The following CSMD2 variants were observed in gnomAD, a reference collection of about 807,000 sequenced individuals.
CSMD2 encodes the protein CUB and Sushi multiple domains 2, also known as CUB and sushi domain-containing protein 2.
CSMD2 carries 130 observed loss-of-function variants against 398.5 expected under a neutral mutation model. That is an observed-to-expected ratio of 0.33 (90% CI 0.28 to 0.38). The LOEUF is 0.38. Among genes scored for constraint, CSMD2 ranks in the 10% least tolerant of loss-of-function variants. The pLI is 1.00. For synonymous variants in CSMD2, 1,828 were observed against 1,908.5 expected (o/e 0.96, Z 1.10); for missense variants, 3,829 against 4,764.9 (o/e 0.80, Z 5.78).
intron 5 of CSMD2, among the ~76,000 whole-genome samples, chr1:33,909,730 G>A (rs1464222244): frequency 6.6e-6 from 1 of 152,172 alleles, no homozygotes; most frequent in Non-Finnish European, 1.5e-5. Context: ...TCATGGTCCT[G>A]CCAGGGTATT....
At position 33,559,003 on chromosome 1, in the gene CSMD2, A is replaced by C. The variant is rs1658301199; in HGVS notation, c.8554+297T>G. Among the ~76,000 whole-genome samples, 1 of 152,264 alleles carries C rather than the reference A, an allele frequency of 6.6e-6. No homozygotes were observed. Among genetic ancestry groups the C allele is most frequent in the Admixed American group, 6.5e-5 (1 of 15,290 alleles). ...GTGAGAAAAATAAACCTCTGTTAAA[A>C]AATAACGGGGCTTTATAAGATAATG... On this transcript the variant is annotated intron_variant, in intron 54 of 70. Coordinates refer to ENST00000373381, the MANE Select transcript of CSMD2 (RefSeq NM_001281956.2). The surrounding 1 kb of genome is among the most constrained non-coding windows in gnomAD (Gnocchi z 4.0).
chr1:33,697,241 T>TATAC (rs1168790031), intron 24 of CSMD2, among the ~76,000 whole-genome samples: 1 of 152,216 alleles, frequency 6.6e-6, no homozygotes, highest in Non-Finnish European at 1.5e-5. Flanking sequence ...TCTGTGGCAT[T>TATAC]ATACGGTTGT....
At chr1:34,149,097 G>A (rs921369290) in intron 1 of CSMD2, among the ~76,000 whole-genome samples, 1 of 152,166 alleles carries the variant, frequency 6.6e-6, no homozygotes, top group Non-Finnish European at 1.5e-5. Flanking sequence ...ATGAATGAAT[G>A]CCATCTCTGG....
intron 2 of CSMD2, among the ~76,000 whole-genome samples, chr1:34,081,148 A>G (rs1657052976): frequency 6.6e-6 from 1 of 152,136 alleles, no homozygotes; most frequent in South Asian, 2.1e-4. Context: ...TGATTCATGA[A>G]TAAGAAGGAA....
intron 13 of CSMD2, among the ~76,000 whole-genome samples, chr1:33,771,922 G>A (rs1029632515): frequency 1.1e-4 from 17 of 152,082 alleles, no homozygotes; most frequent in Non-Finnish European, 2.2e-4. Flanking sequence ...CAATCCCAAC[G>A]CGACTGAAGA....
chr1:34,110,154 A>AG (rs1373703300), intron 1 of CSMD2, among the ~76,000 whole-genome samples: 1 of 152,026 alleles, frequency 6.6e-6, no homozygotes, highest in Non-Finnish European at 1.5e-5. Flanking sequence ...ATACCATCTT[A>AG]CAGCACCCAG....
rs776260217 is a variant in CSMD2, at chr1:33,935,779, G to T, written c.693C>A (p.Phe231Leu). 6 of 1,608,862 alleles carry T rather than the reference G, an allele frequency of 3.7e-6. No homozygotes were observed. The highest frequency in any genetic ancestry group is 1.7e-5 in the Admixed American group (1 of 59,646). Residue 231 changes from phenylalanine to leucine, a missense_variant, in exon 4 of 71, where the codon TTC becomes TTA. By Grantham distance (22) the Phe-to-Leu change is conservative. This residue lies in a region of CSMD2 where 2,001 missense variants were observed against 2,567.1 expected (regional missense o/e 0.78). Coordinates refer to ENST00000373381, the MANE Select transcript of CSMD2 (RefSeq NM_001281956.2). ...AGSENSATWD[F>L]PLPSCRADDA... The stretch of plus-strand genomic sequence containing the variant: ...ACCTACCTCTGCAGGAAGGCAGGGG[G>T]AAGTCCCACGTGGCGCTGTTCTCAG...
chr1:33,796,260 A>G (rs1422584425), intron 10 of CSMD2, among the ~76,000 whole-genome samples: 2 of 152,354 alleles, frequency 1.3e-5, no homozygotes, highest in East Asian at 3.9e-4. Flanking sequence ...TGTTCTGAAC[A>G]CTTTACACAT....
intron 4 of CSMD2, among the ~76,000 whole-genome samples, chr1:33,922,339 A>G (rs1039676444): frequency 2.0e-5 from 3 of 152,138 alleles, no homozygotes; most frequent in African/African-American, 7.2e-5. Context: ...GTGGAAAGTA[A>G]GCAGGGGCCA....
At chr1:33,638,695 C>T (rs1642942438) in intron 29 of CSMD2, among the ~76,000 whole-genome samples, 1 of 152,208 alleles carries the variant, frequency 6.6e-6, no homozygotes, top group Non-Finnish European at 1.5e-5. Context: ...GCTAGCTTTG[C>T]TCCAACGACA....
chr1:34,062,788 A>G (rs1001387684), intron 2 of CSMD2, among the ~76,000 whole-genome samples: 1 of 152,238 alleles, frequency 6.6e-6, no homozygotes, highest in African/African-American at 2.4e-5. Flanking sequence ...TCCCTGGAGA[A>G]GCAAAGCAAC....
chr1:33,787,358 C>T (rs1169657073), intron 12 of CSMD2, among the ~76,000 whole-genome samples: 1 of 152,194 alleles, frequency 6.6e-6, no homozygotes, highest in African/African-American at 2.4e-5. Flanking sequence ...GCAGGAGGAA[C>T]CTATGGTACA....
chr1:34,108,407 C>G (rs531615149), intron 1 of CSMD2, among the ~76,000 whole-genome samples: 1 of 152,278 alleles, frequency 6.6e-6, no homozygotes, highest in South Asian at 2.1e-4. Context: ...GCCCCTGCCC[C>G]TCTATCTATG....
intron 25 of CSMD2, among the ~76,000 whole-genome samples, chr1:33,680,148 C>CT (rs34735969): frequency 0.15 from 13,580 of 88,184 alleles, 1,009 homozygotes; most frequent in Admixed American, 0.23. Flanking sequence ...ATGGCCTCGC[C>CT]TTTTTTTTTT....
chr1:33,983,121 C>T (rs1646229596), intron 3 of CSMD2, among the ~76,000 whole-genome samples: 1 of 151,458 alleles, frequency 6.6e-6, no homozygotes, highest in Non-Finnish European at 1.5e-5. Context: ...CTCAGACACT[C>T]CCTTAGGGGT....
intron 14 of CSMD2, 145 bp downstream of exon 14, chr1:33,743,135 G>A (rs970727576): frequency 7.8e-6 from 5 of 644,446 alleles, no homozygotes; most frequent in Non-Finnish European, 1.3e-5. Context: ...CATGCTGGGA[G>A]CTCCATGACT....
At chr1:34,123,579 T>C (rs1662428675) in intron 1 of CSMD2, among the ~76,000 whole-genome samples, 1 of 152,070 alleles carries the variant, frequency 6.6e-6, no homozygotes, top group Non-Finnish European at 1.5e-5. Context: ...TTCTGGAGGT[T>C]TGGACATGTG....
At chr1:34,150,334 C>G (rs1228782853) in intron 1 of CSMD2, among the ~76,000 whole-genome samples, 1 of 152,154 alleles carries the variant, frequency 6.6e-6, no homozygotes, top group African/African-American at 2.4e-5. Flanking sequence ...AGTCTCCCAC[C>G]TTAGTCTCTC....
chr1:33,929,089 T>C (rs1356114705), intron 4 of CSMD2, among the ~76,000 whole-genome samples: 2 of 152,176 alleles, frequency 1.3e-5, no homozygotes, highest in Non-Finnish European at 2.9e-5. Flanking sequence ...ATCTTGGTCA[T>C]TGGCATCCCC....
Sources: allele counts gnomAD v4.1 joint callset (sites outside exome capture counted in the v4.1 genomes callset), GRCh38; gene constraint gnomAD v4.1.1; regional missense constraint gnomAD v4.1.1; non-coding constraint Gnocchi (gnomAD v3.1); transcripts MANE v1.5; gene names NCBI Gene and HGNC (gene_info 2026-07-23, HGNC 2026-07-21).